Variants in FARP1 observed in about 807,000 individuals in gnomAD.
The protein encoded by FARP1 is FERM, ARHGEF and pleckstrin domain-containing protein 1.
Under a neutral mutation model 128.8 loss-of-function variants are expected in FARP1, and 52 were observed. The observed-to-expected ratio is 0.40, with a 90% CI of 0.32 to 0.51. The LOEUF (loss-of-function observed/expected upper bound fraction) is 0.51. FARP1 is among the 20% of genes least tolerant of loss of function. The probability of loss-of-function intolerance (pLI) is 0.45; values close to 1 mark genes in which losing one functional copy is unlikely to be tolerated. For synonymous variants in FARP1, 580 were observed against 551.8 expected (o/e 1.05, Z -0.72); for missense variants, 1,333 against 1,367.9 (o/e 0.97, Z 0.40).
At position 98,384,855 on chromosome 13, in the gene FARP1, T is replaced by A. The variant is rs1397553000; in HGVS notation, c.611+11T>A. 6.5e-7 allele frequency: 1 copy of A among 1,543,020 alleles called. No individual in the cohort carries two copies. ...TCACCATAACCACATGTAAGTCTCA[T>A]TCTTGGCTTCATATTCCCTCTGAGC... is the stretch of plus-strand genomic sequence containing the variant. On this transcript the variant is annotated intron_variant, in intron 7 of 26. Transcript: ENST00000319562.
At chr13:98,379,688 C>A (rs1315707444) in intron 6 of FARP1, among the ~76,000 whole-genome samples, 1 of 152,102 alleles carries the variant, frequency 6.6e-6, no homozygotes, top group African/African-American at 2.4e-5. Context: ...CTACATATAT[C>A]CTCCCATAGA....
chr13:98,388,366 A>G lies in FARP1; in HGVS notation c.760-17A>G. 1 of 1,598,974 alleles carries G rather than the reference A, an allele frequency of 6.3e-7. No homozygotes were observed. Among genetic ancestry groups the G allele is most frequent in the East Asian group, 2.2e-5 (1 of 44,802 alleles). Reference sequence around the variant, plus strand: ...GTTATGCATTTCCTGGCTCACTGCTACTGTCTTTCTTTTTAGGGTTTCACT... The same window carrying G: ...GTTATGCATTTCCTGGCTCACTGCTGCTGTCTTTCTTTTTAGGGTTTCACT... On this transcript the variant is annotated splice_polypyrimidine_tract_variant and intron_variant, in intron 8 of 26. Transcript: ENST00000319562.
At chr13:98,190,649 G>A (rs1879163616) in intron 1 of FARP1, among the ~76,000 whole-genome samples, 1 of 152,072 alleles carries the variant, frequency 6.6e-6, no homozygotes, top group African/African-American at 2.4e-5. Context: ...TGCAGTCTCA[G>A]CTCCTGGTCT....
intron 2 of FARP1, among the ~76,000 whole-genome samples, chr13:98,289,673 C>T (rs977020916): frequency 2.6e-5 from 4 of 152,178 alleles, no homozygotes; most frequent in African/African-American, 7.2e-5. Flanking sequence ...CAGGACCCCT[C>T]TGGCTCTTGG....
chr13:98,318,015 ATCTCCTTCT>A (rs1459388627), intron 2 of FARP1, among the ~76,000 whole-genome samples: 2 of 102,734 alleles, frequency 1.9e-5, no homozygotes, highest in Non-Finnish European at 3.8e-5. Context: ...CTCCCTCTTC[ATCTCCTTCT>A]TCCTCCTCCT....
chr13:98,324,824 G>A (rs1274332440), intron 2 of FARP1, among the ~76,000 whole-genome samples: 1 of 152,214 alleles, frequency 6.6e-6, no homozygotes, highest in Non-Finnish European at 1.5e-5. Flanking sequence ...GTCTTTGGCT[G>A]CTGCATTTCT....
intron 12 of FARP1, 35 bp downstream of exon 12, chr13:98,393,753 T>C: frequency 6.6e-7 from 1 of 1,523,154 alleles, no homozygotes; most frequent in Non-Finnish European, 9.1e-7. Context: ...TAACTCTGCT[T>C]TTCCCCACAC....
At chr13:98,375,844 G>T (rs1889557268) in intron 5 of FARP1, among the ~76,000 whole-genome samples, 1 of 152,102 alleles carries the variant, frequency 6.6e-6, no homozygotes, top group South Asian at 2.1e-4. Flanking sequence ...GTCCAGGCTG[G>T]TCTTAAACTC....
intron 1 of FARP1, among the ~76,000 whole-genome samples, chr13:98,149,906 T>G (rs1477405401): frequency 2.0e-5 from 3 of 150,292 alleles, no homozygotes; most frequent in African/African-American, 7.4e-5. Context: ...CCCGGCTAAT[T>G]TTTTGTATTT....
chr13:98,219,008 T>A (rs899192540), intron 2 of FARP1, among the ~76,000 whole-genome samples: 1 of 152,214 alleles, frequency 6.6e-6, no homozygotes, highest in African/African-American at 2.4e-5. Flanking sequence ...GTCCCATACA[T>A]GATTAAACAT....
rs1223620409 is a variant in FARP1 at position 98,409,428 on chromosome 13, T to G, written c.1505T>G (p.Leu502Arg). ...GCCAACGTGACCTTGTCTCCCAACC[T>G]GAGCCCCGACACCAAGCAGGCCTCT... The part of the protein sequence containing the change: ...APANVTLSPN[L>R]SPDTKQASPL... Residue 502 changes from leucine to arginine, a missense_variant, in exon 14 of 27, where the codon CTG (leucine) becomes CGG (arginine). By Grantham distance (102) the Leu-to-Arg change is moderately radical. Transcript: ENST00000319562. 6.2e-7 allele frequency: 1 copy of G among 1,614,056 alleles called. No individual in the cohort carries two copies. Among genetic ancestry groups the G allele is most frequent in the Admixed American group, 1.7e-5 (1 of 60,010 alleles).
intron 3 of FARP1, among the ~76,000 whole-genome samples, chr13:98,359,666 A>C (rs11619050): frequency 0.2 from 31,037 of 152,160 alleles, 3,980 homozygotes; most frequent in Non-Finnish European, 0.3. Flanking sequence ...GTTTAGATGC[A>C]CAGGTAGTTG....
intron 2 of FARP1, among the ~76,000 whole-genome samples, chr13:98,243,696 CAAAAAAAAA>C (rs61020922): frequency 3.1e-5 from 2 of 64,916 alleles, no homozygotes; most frequent in Admixed American, 1.9e-4. Flanking sequence ...GACTCCATCT[CAAAAAAAAA>C]AAAAAAAAAA....
In FARP1 at chr13:98,176,475, G is replaced by A; in HGVS notation, c.-24+32983G>A. The stretch of plus-strand genomic sequence containing the variant: ...AGGCCTGGCGACATATGAAACACCT[G>A]AATGGTATTTCCTCTTCCTCGCTTC... On this transcript the variant is annotated intron_variant, in intron 1 of 26. Transcript: ENST00000319562. The surrounding 1 kb of genome is among the most constrained non-coding windows in gnomAD (Gnocchi z 6.2). 6.2e-7 allele frequency: 1 copy of A among 1,614,212 alleles called. No individual in the cohort carries two copies. The highest frequency in any genetic ancestry group is 8.5e-7 in the Non-Finnish European group (1 of 1,180,032).
At chr13:98,313,630 CTG>C in intron 2 of FARP1, among the ~76,000 whole-genome samples, 1 of 152,242 alleles carries the variant, frequency 6.6e-6, no homozygotes, top group East Asian at 1.9e-4. Flanking sequence ...CCTAAGGCTG[CTG>C]TTGGACTTAC....
intron 3 of FARP1, among the ~76,000 whole-genome samples, chr13:98,349,465 T>A (rs6491421): frequency 0.11 from 16,387 of 151,706 alleles, 1,158 homozygotes; most frequent in African/African-American, 0.2. Context: ...TGAGGTCAGG[T>A]GATTGACACC....
intron 14 of FARP1, among the ~76,000 whole-genome samples, chr13:98,409,901 T>G (rs1331603213): frequency 6.6e-6 from 1 of 152,248 alleles, no homozygotes; most frequent in Non-Finnish European, 1.5e-5. Flanking sequence ...TCTGTCTTCA[T>G]GGATCATCCA....
At chr13:98,433,526 C>G (rs1210143448) in intron 18 of FARP1, 8 of 152,380 alleles carry the variant, frequency 5.3e-5, no homozygotes, top group Admixed American at 3.3e-4. Context: ...GCTGGGAGTT[C>G]AAGAGCAGCC....
chr13:98,424,930 G>A (rs532822139), intron 17 of FARP1, among the ~76,000 whole-genome samples: 1 of 150,984 alleles, frequency 6.6e-6, no homozygotes, highest in African/African-American at 2.4e-5. Context: ...TATCGTTAGT[G>A]TTAGTGTATT....
Sources: allele counts gnomAD v4.1 joint callset (sites outside exome capture counted in the v4.1 genomes callset), GRCh38; gene constraint gnomAD v4.1.1; non-coding constraint Gnocchi (gnomAD v3.1); transcripts MANE v1.5; gene names NCBI Gene and HGNC (gene_info 2026-07-23, HGNC 2026-07-21).